RPL7L1: variants seen among roughly 807,000 people sequenced by gnomAD.
RPL7L1 encodes ribosomal protein L7 like 1, also known as ribosomal protein uL30-like.
RPL7L1 carries 20 observed loss-of-function variants against 30.3 expected under a neutral mutation model. The observed-to-expected ratio is 0.66, with a 90% confidence interval of 0.46 to 0.96. The LOEUF (loss-of-function observed/expected upper bound fraction) is 0.96. Among genes scored for constraint, RPL7L1 ranks in the 40% least tolerant of loss-of-function variants. The pLI is 0.00. For synonymous variants in RPL7L1, 107 were observed against 110.1 expected (o/e 0.97, Z 0.18); for missense variants, 271 against 314.9 (o/e 0.86, Z 1.05).
Position 42,880,158 on chromosome 6 carries a change from T to C in RPL7L1, c.41+207T>C, listed in dbSNP as rs1369939780. 7.9e-5 allele frequency among the ~76,000 whole-genome samples: 12 copies of C among 152,108 alleles called. No homozygotes were observed. The East Asian group carries it at 9.7e-4, about 12-fold the overall frequency. ...TTCGGGTTATCTGGAGAGGCGAGGA[T>C]TGACTTCAGGCAGCGGGCTGGAGTG... On this transcript the variant is annotated intron_variant, in intron 1 of 5. Coordinates refer to ENST00000493763, the MANE Select transcript of RPL7L1 (RefSeq NM_001366481.3).
At chr6:42,884,842 G>A (rs1766205389) in intron 4 of RPL7L1, 92 bp downstream of exon 4, 5 of 1,280,338 alleles carry the variant, frequency 3.9e-6, no homozygotes, top group East Asian at 4.6e-5. Flanking sequence ...TCATGTTGCT[G>A]TAGAAGGGAC....
In RPL7L1 at chr6:42,889,751, C is replaced by T. The variant is rs1213732610; in HGVS notation, c.*3287C>T. On this transcript the variant is annotated 3_prime_UTR_variant, in exon 6 of 6. Coordinates refer to ENST00000493763, the MANE Select transcript of RPL7L1 (RefSeq NM_001366481.3). The stretch of plus-strand genomic sequence containing the variant: ...TGATGGTTAAAGGGATTAAACAAAA[C>T]AATAGTTTGTAATTTATTCTGTCAG... The T allele has an allele frequency of 3.3e-5, 5 of 152,066 alleles. No individual in the cohort carries two copies. The highest frequency in any genetic ancestry group is 1.2e-4 in the African/African-American group (5 of 41,410). 9.4% of individuals were successfully genotyped at this position (152,066 alleles called of 1,614,324 possible). A position where few individuals can be genotyped will look rare whatever the true frequency, so the allele number is the denominator to read the frequency against.
At chr6:42,880,006 T>C in intron 1 of RPL7L1, 55 bp downstream of exon 1, 2 of 1,558,460 alleles carry the variant, frequency 1.3e-6, no homozygotes, top group Non-Finnish European at 1.8e-6. Context: ...TCCGGTGCCA[T>C]CCACGGTGTT....
Position 42,880,961 on chromosome 6 carries a change from A to C in RPL7L1, c.142A>C (p.Lys48Gln), listed in dbSNP as rs757126662. The change falls in exon 2 of 6, where the codon AAG (lysine) becomes CAG (glutamine). Residue 48 changes from lysine to glutamine, a missense_variant. Lys to Gln is a moderately conservative substitution (Grantham distance 53, BLOSUM62 1). Coordinates refer to ENST00000493763, the MANE Select transcript of RPL7L1 (RefSeq NM_001366481.3). ...TQAKQALLAK[K>Q]EQKKGKGLRF... ...GGCAAAGCAGGCACTTTTGGCAAAG[A>C]AGGAGGTAATGGTGGGGAACCAAGA... is the stretch of plus-strand genomic sequence containing the variant. 52 of 1,531,462 alleles carry C rather than the reference A, an allele frequency of 3.4e-5. No homozygotes were observed. Among genetic ancestry groups the C allele is most frequent in the South Asian group, 2.8e-4 (25 of 89,366 alleles). 94.9% of individuals were successfully genotyped at this position (1,531,462 alleles called of 1,614,324 possible). A position where few individuals can be genotyped will look rare whatever the true frequency, so the allele number is the denominator to read the frequency against.
rs1455820063 is a variant in RPL7L1 at position 42,885,568 on chromosome 6, T to A, written c.450-406T>A. On this transcript the variant is annotated intron_variant, in intron 4 of 5. Transcript: ENST00000493763. ...GCCTGGGAGACTGAGCAAGACTCCG[T>A]CTCAAAAAAAAAAAAAGAGTAGTAT... is the stretch of plus-strand genomic sequence containing the variant. The A allele has an allele frequency of 1.2e-4, 19 of 164,842 alleles. 1 individual carries two copies. The Middle Eastern group carries it at 0.013, about 109-fold the overall frequency. The allele number at this position is 164,842 out of a possible 1,614,324, so 10.2% of individuals were successfully genotyped here.
chr6:42,880,102 G>C, intron 1 of RPL7L1, 151 bp downstream of exon 1: 1 of 815,298 alleles, frequency 1.2e-6, no homozygotes, highest in East Asian at 2.7e-5. Context: ...GAGTAGCGCT[G>C]TGGCGGAGGA....
rs1231038299 is a variant in RPL7L1 at position 42,889,830 on chromosome 6, AAAC to A, written c.*3367_*3369del. The stretch of plus-strand genomic sequence containing the variant: ...AAGTTGACGAAAAATAAATTTTAAA[AAAC>A]CTAATAAAACAAGTTTGTAATTTAT... On this transcript the variant is annotated 3_prime_UTR_variant, in exon 6 of 6. Transcript: ENST00000493763. 1 of 152,202 alleles carries A rather than the reference AAAC, an allele frequency of 6.6e-6. No individual in the cohort carries two copies. Among genetic ancestry groups the A allele is most frequent in the African/African-American group, 2.4e-5 (1 of 41,414 alleles). The allele number at this position is 152,202 out of a possible 1,614,324, so 9.4% of individuals were successfully genotyped here.
intron 4 of RPL7L1, among the ~76,000 whole-genome samples, chr6:42,885,329 CAAA>C (rs79094944): frequency 1.1e-4 from 14 of 127,476 alleles, no homozygotes; most frequent in East Asian, 2.2e-4. Flanking sequence ...CACTCTGTCT[CAAA>C]AAAAAAAAAA....
At chr6:42,881,027 A>C in intron 2 of RPL7L1, 61 bp downstream of exon 2, 1 of 902,984 alleles carries the variant, frequency 1.1e-6, no homozygotes, top group Non-Finnish European at 1.8e-6. Context: ...TTTATCCCGC[A>C]TGTGTTGGAC....
At chr6:42,880,556 A>G (rs555789264) in intron 1 of RPL7L1, 23 of 301,198 alleles carry the variant, frequency 7.6e-5, no homozygotes, top group Middle Eastern at 2.1e-3. Flanking sequence ...TCTGTCCCCC[A>G]GGCTGGAGCG....
Position 42,886,466 on chromosome 6 carries a change from C to A in RPL7L1, c.*2C>A, listed in dbSNP as rs753639852. 138 of 1,482,720 alleles carry A rather than the reference C, an allele frequency of 9.3e-5. No homozygotes were observed. The highest frequency in any genetic ancestry group is 1.2e-4 in the Non-Finnish European group (134 of 1,079,662). 91.8% of individuals were successfully genotyped at this position (1,482,720 alleles called of 1,614,324 possible). On this transcript the variant is annotated 3_prime_UTR_variant, in exon 6 of 6. Coordinates refer to ENST00000493763, the MANE Select transcript of RPL7L1 (RefSeq NM_001366481.3). ...CAGCTCATCCGTCAGCTGAACTAGA[C>A]CCAGGTGAGGCAGGGCTGAAAACTG...
At position 42,883,512 on chromosome 6, in the gene RPL7L1, G is replaced by A. The variant is rs767183272; in HGVS notation, c.209G>A (p.Arg70Gln). 9.1e-5 allele frequency: 147 copies of A among 1,609,458 alleles called. No individual in the cohort carries two copies. Among genetic ancestry groups the A allele is most frequent in the Non-Finnish European group, 1.1e-4 (135 of 1,178,074 alleles). ...GAATCATTCCTACATGATTCCTGGC[G>A]GCAGAAACGTGACAAGGTGCGTCTC... is the stretch of plus-strand genomic sequence containing the variant. ...RLESFLHDSW[R>Q]QKRDKVRLRR... The change falls in exon 3 of 6, where the codon CGG becomes CAG. Residue 70 changes from arginine to glutamine, a missense_variant. By Grantham distance (43) the Arg-to-Gln change is conservative. Coordinates refer to ENST00000493763, the MANE Select transcript of RPL7L1 (RefSeq NM_001366481.3).
In RPL7L1 at chr6:42,889,522, C is replaced by G. The variant is rs1392300492; in HGVS notation, c.*3058C>G. 1 of 151,670 alleles carries G rather than the reference C, an allele frequency of 6.6e-6. No homozygotes were observed. The allele number at this position is 151,670 out of a possible 1,614,324, so 9.4% of individuals were successfully genotyped here. The stretch of plus-strand genomic sequence containing the variant: ...AGAGGTAACCTGCCAAGAAGAGATG[C>G]TATAGATGTTACTCCTATACTGTAA... On this transcript the variant is annotated 3_prime_UTR_variant, in exon 6 of 6. Coordinates refer to ENST00000493763, the MANE Select transcript of RPL7L1 (RefSeq NM_001366481.3).
At chr6:42,884,571 A>T (rs765427000) in intron 3 of RPL7L1, 42 bp from the exon 4 acceptor site, 1 of 1,597,782 alleles carries the variant, frequency 6.3e-7, no homozygotes, top group South Asian at 1.1e-5. Flanking sequence ...ACTGACATAA[A>T]CTGGAGGGAG....
Position 42,889,692 on chromosome 6 carries a change from G to T in RPL7L1, c.*3228G>T, listed in dbSNP as rs539065052. On this transcript the variant is annotated 3_prime_UTR_variant, in exon 6 of 6. Coordinates refer to ENST00000493763, the MANE Select transcript of RPL7L1 (RefSeq NM_001366481.3). ...AGTGTTTCCACTCTGTCCATAAAAT[G>T]GGAGCTAATATTCTCCAACCTGTGT... 6.6e-6 allele frequency: 1 copy of T among 152,402 alleles called. No homozygotes were observed. Among genetic ancestry groups the T allele is most frequent in the Admixed American group, 6.5e-5 (1 of 15,300 alleles). The allele number at this position is 152,402 out of a possible 1,614,324, so 9.4% of individuals were successfully genotyped here. A position where few individuals can be genotyped will look rare whatever the true frequency, so the allele number is the denominator to read the frequency against.
At position 42,879,671 on chromosome 6, in the gene RPL7L1, C is replaced by G; in HGVS notation, c.-240C>G. On this transcript the variant is annotated 5_prime_UTR_variant, in exon 1 of 6. Coordinates refer to ENST00000493763, the MANE Select transcript of RPL7L1 (RefSeq NM_001366481.3). ...GTGGGAAGCACTTTGCTGTCCACAG[C>G]CAGGCCGCTTGTGATGAAACTGTAA... is the stretch of plus-strand genomic sequence containing the variant. 2 of 471,132 alleles carry G rather than the reference C, an allele frequency of 4.2e-6. No individual in the cohort carries two copies. Among genetic ancestry groups the G allele is most frequent in the Non-Finnish European group, 7.8e-6 (2 of 255,338 alleles). 29.2% of individuals were successfully genotyped at this position (471,132 alleles called of 1,614,324 possible).
rs1226045100 is a variant in RPL7L1, at chr6:42,879,633, C to G, written c.-278C>G. The stretch of plus-strand genomic sequence containing the variant: ...GCGGCGCCGTAGCTAGGAGCGGACG[C>G]CATAGGTGCATTGTGGGAAGCACTT... On this transcript the variant is annotated 5_prime_UTR_variant, in exon 1 of 6. Transcript: ENST00000493763. 5.8e-6 allele frequency: 2 copies of G among 342,006 alleles called. No homozygotes were observed. Among genetic ancestry groups the G allele is most frequent in the African/African-American group, 2.1e-5 (1 of 48,366 alleles). The allele number at this position is 342,006 out of a possible 1,614,324, so 21.2% of individuals were successfully genotyped here.
chr6:42,886,211 T>C, intron 5 of RPL7L1, 45 bp from the exon 6 acceptor site: 1 of 1,549,748 alleles, frequency 6.5e-7, no homozygotes, highest in Non-Finnish European at 8.9e-7. Context: ...TAGTATATGC[T>C]GGATACATGT....
chr6:42,886,740 A>G lies in RPL7L1; in HGVS notation c.*276A>G, dbSNP rs1766283286. On this transcript the variant is annotated 3_prime_UTR_variant, in exon 6 of 6. Coordinates refer to ENST00000493763, the MANE Select transcript of RPL7L1 (RefSeq NM_001366481.3). ...GCCGGGCGCGGTGGCTCACGCCTGTAATCCCAGCACTTTGGGAGGCCAAGG... is the reference window on the plus strand; with the variant it reads ...GCCGGGCGCGGTGGCTCACGCCTGTGATCCCAGCACTTTGGGAGGCCAAGG... 3.0e-6 allele frequency: 1 copy of G among 328,782 alleles called. No individual in the cohort carries two copies. The highest frequency in any genetic ancestry group is 5.9e-6 in the Non-Finnish European group (1 of 170,258). 20.4% of individuals were successfully genotyped at this position (328,782 alleles called of 1,614,324 possible).
Sources: allele counts gnomAD v4.1 joint callset (sites outside exome capture counted in the v4.1 genomes callset), GRCh38; gene constraint gnomAD v4.1.1; transcripts MANE v1.5; gene names NCBI Gene and HGNC (gene_info 2026-07-23, HGNC 2026-07-21).